Variants in SDSL observed in about 807,000 individuals in gnomAD.
SDSL encodes the protein serine dehydratase-like.
Under a neutral mutation model 27.6 loss-of-function variants are expected in SDSL, and 26 were observed. The observed-to-expected ratio is 0.94, with a 90% CI of 0.69 to 1.31. The LOEUF is 1.31. Ranked by LOEUF, SDSL falls within the 50% of genes most tolerant of loss-of-function variation. The pLI is 0.00. For missense variants in SDSL, 431 were observed against 423.5 expected (o/e 1.02, Z -0.16); for synonymous variants, 196 against 180.6 (o/e 1.09, Z -0.69).
Position 113,428,476 on chromosome 12 carries a change from T to C in SDSL, c.214+17T>C, listed in dbSNP as rs555843256. 32 of 1,609,454 alleles carry C rather than the reference T, an allele frequency of 2.0e-5. No homozygotes were observed. The highest frequency in any genetic ancestry group is 2.4e-5 in the Non-Finnish European group (28 of 1,178,466). The stretch of plus-strand genomic sequence containing the variant: ...GCTCCTCAGGTGACCCCACCTTTTT[T>C]TGTTTCATGGGCAGAGGTTGGGGGA... On this transcript the variant is annotated intron_variant, in intron 3 of 7. Coordinates refer to ENST00000403593, the MANE Select transcript of SDSL (RefSeq NM_001304993.2).
chr12:113,422,414 G>C lies in SDSL; in HGVS notation c.-85G>C, dbSNP rs1455128564. The C allele has an allele frequency of 6.5e-6, 1 of 153,894 alleles. No homozygotes were observed. The highest frequency in any genetic ancestry group is 1.9e-4 in the East Asian group (1 of 5,230). 9.5% of individuals were successfully genotyped at this position (153,894 alleles called of 1,614,324 possible). A position where few individuals can be genotyped will look rare whatever the true frequency, so the allele number is the denominator to read the frequency against. On this transcript the variant is annotated 5_prime_UTR_variant, in exon 1 of 8. Transcript: ENST00000403593. Reference sequence around the variant, plus strand: ...CAGAGCCGGTTCCTGGAAAGAGCTGGTTCCCTGGCAGGCTGGAGGGCAGGA... The same window carrying C: ...CAGAGCCGGTTCCTGGAAAGAGCTGCTTCCCTGGCAGGCTGGAGGGCAGGA...
chr12:113,428,572 T>G (rs1477881106), intron 3 of SDSL, 113 bp downstream of exon 3: 2 of 825,090 alleles, frequency 2.4e-6, no homozygotes, highest in Non-Finnish European at 3.8e-6. Context: ...CTCATCAAGG[T>G]CATTGATGAG....
rs1313581206 is a variant in SDSL, at chr12:113,436,733, C to T, written c.672-18C>T. On this transcript the variant is annotated intron_variant, in intron 6 of 7. Transcript: ENST00000403593. ...CTGAGCCCCTGGTCTCCCTGCCCCA[C>T]CCTGCTCTATCCTGCAGTGTGGCCA... is the stretch of plus-strand genomic sequence containing the variant. The T allele has an allele frequency of 1.3e-6, 2 of 1,585,464 alleles. No homozygotes were observed. The highest frequency in any genetic ancestry group is 1.7e-6 in the Non-Finnish European group (2 of 1,170,786).
chr12:113,433,756 A>G (rs1304527799), intron 4 of SDSL, among the ~76,000 whole-genome samples: 2 of 152,118 alleles, frequency 1.3e-5, no homozygotes, highest in South Asian at 2.1e-4. Flanking sequence ...GACACACTCT[A>G]TGGTGACCAA....
intron 4 of SDSL, among the ~76,000 whole-genome samples, chr12:113,431,782 A>G (rs111508469): frequency 0.06 from 8,826 of 146,432 alleles, 365 homozygotes; most frequent in Non-Finnish European, 0.092. Context: ...TCTGTTGCCC[A>G]GGCTGGAGTG....
Position 113,434,294 on chromosome 12 carries a change from GGC to G in SDSL, c.443+73_443+74del, listed in dbSNP as rs1284344516. On this transcript the variant is annotated intron_variant, in intron 5 of 7. Transcript: ENST00000403593. The stretch of plus-strand genomic sequence containing the variant: ...TCACTGAGTCAGGGTCCTCCCATTG[GGC>G]AGAAGGAGAAACTGAGGCCCAGAGG... 7 of 1,202,658 alleles carry G rather than the reference GGC, an allele frequency of 5.8e-6. No individual in the cohort carries two copies. In the East Asian group the frequency reaches 1.7e-4, roughly 29 times the overall value. The allele number at this position is 1,202,658 out of a possible 1,614,324, so 74.5% of individuals were successfully genotyped here.
chr12:113,435,590 G>A (rs1593316028), intron 6 of SDSL, 34 bp downstream of exon 6: 10 of 1,569,158 alleles, frequency 6.4e-6, no homozygotes, highest in Non-Finnish European at 7.9e-6. Context: ...GTAGGGGCTG[G>A]AGGGTGGGTG....
Position 113,427,954 on chromosome 12 carries a change from T to G in SDSL, c.-21-8T>G. 1 of 1,592,816 alleles carries G rather than the reference T, an allele frequency of 6.3e-7. No individual in the cohort carries two copies. Among genetic ancestry groups the G allele is most frequent in the Non-Finnish European group, 8.6e-7 (1 of 1,169,244 alleles). Reference sequence around the variant, plus strand: ...CTGCCTGGGTGGTGACTTTGTGTCCTCCTGCAGGCTGTCTACCTGGTCTCC... The same window carrying G: ...CTGCCTGGGTGGTGACTTTGTGTCCGCCTGCAGGCTGTCTACCTGGTCTCC... On this transcript the variant is annotated splice_region_variant and splice_polypyrimidine_tract_variant and intron_variant, in intron 1 of 7. Transcript: ENST00000403593.
At chr12:113,435,212 G>A in intron 5 of SDSL, 117 bp from the exon 6 acceptor site, 4 of 600,490 alleles carry the variant, frequency 6.7e-6, no homozygotes, top group Non-Finnish European at 2.8e-6. Context: ...TGGTGGGGAG[G>A]GGTTTATGTA....
chr12:113,435,687 G>T, intron 6 of SDSL, 131 bp downstream of exon 6: 1 of 678,474 alleles, frequency 1.5e-6, no homozygotes, highest in African/African-American at 1.8e-5. Context: ...TCCAACCACA[G>T]TAAAGTGGAC....
intron 4 of SDSL, among the ~76,000 whole-genome samples, chr12:113,431,377 A>G (rs1957919300): frequency 6.6e-6 from 1 of 152,212 alleles, no homozygotes; most frequent in Admixed American, 6.5e-5. Context: ...GAGAGGAGCC[A>G]GAGAGGAGGC....
At chr12:113,429,960 T>G (rs1957899881) in intron 4 of SDSL, among the ~76,000 whole-genome samples, 1 of 150,470 alleles carries the variant, frequency 6.6e-6, no homozygotes. Context: ...ATTTCCCTCC[T>G]TCCCTCTTCC....
intron 7 of SDSL, among the ~76,000 whole-genome samples, chr12:113,437,468 G>C (rs755497813): frequency 1.1e-4 from 17 of 152,186 alleles, no homozygotes; most frequent in Non-Finnish European, 2.4e-4. Context: ...ATAATGAAGT[G>C]ACGGATTGAT....
chr12:113,425,975 A>G (rs1360239139), intron 1 of SDSL, among the ~76,000 whole-genome samples: 2 of 152,042 alleles, frequency 1.3e-5, no homozygotes, highest in African/African-American at 2.4e-5. Flanking sequence ...GGCAAGAGCG[A>G]GACTCCCTTT....
chr12:113,429,777 A>C (rs1417019652), intron 4 of SDSL, among the ~76,000 whole-genome samples: 1 of 152,188 alleles, frequency 6.6e-6, no homozygotes, highest in Admixed American at 6.5e-5. Context: ...CCTTCTGTGA[A>C]GAAGGAAAAA....
chr12:113,436,831 T>G lies in SDSL; in HGVS notation c.752T>G (p.Val251Gly). The stretch of plus-strand genomic sequence containing the variant: ...CAGGTGTGCAAGATTCACTCTGAAG[T>G]GGTGGAGGACACCGAGGCTGTGAGC... ...CMQVCKIHSE[V>G]VEDTEAVSAV... The change falls in exon 7 of 8, where the codon GTG becomes GGG. Residue 251 changes from valine (V) to glycine (G), a missense_variant. Transcript: ENST00000403593. 3 of 1,612,128 alleles carry G rather than the reference T, an allele frequency of 1.9e-6. No individual in the cohort carries two copies. The highest frequency in any genetic ancestry group is 2.5e-6 in the Non-Finnish European group (3 of 1,179,642).
At chr12:113,437,862 C>T (rs370694495) in intron 7 of SDSL, 24 bp from the exon 8 acceptor site, 65 of 1,563,714 alleles carry the variant, frequency 4.2e-5, no homozygotes, top group Non-Finnish European at 5.0e-5. Flanking sequence ...TTTCCTTCCT[C>T]TCTCCATCCC....
chr12:113,433,283 A>G (rs148426407), intron 4 of SDSL, among the ~76,000 whole-genome samples: 2,029 of 152,336 alleles, frequency 0.013, 58 homozygotes, highest in African/African-American at 0.045. Context: ...GGCACTGCAG[A>G]GTCCCTGAGG....
At chr12:113,424,028 A>G (rs547409313) in intron 1 of SDSL, among the ~76,000 whole-genome samples, 1 of 152,034 alleles carries the variant, frequency 6.6e-6, no homozygotes, top group Non-Finnish European at 1.5e-5. Context: ...TTTTTTTGAG[A>G]CAGAGTTTCC....
Sources: allele counts gnomAD v4.1 joint callset (sites outside exome capture counted in the v4.1 genomes callset), GRCh38; gene constraint gnomAD v4.1.1; transcripts MANE v1.5; gene names NCBI Gene and HGNC (gene_info 2026-07-23, HGNC 2026-07-21).